Variants in SHROOM4 observed in about 807,000 individuals in gnomAD.
SHROOM4 encodes the protein shroom family member 4, also known as protein Shroom4.
A neutral mutation model predicts 80.3 loss-of-function variants in SHROOM4; 17 were observed. The observed-to-expected ratio is 0.21, with a 90% CI of 0.14 to 0.32. SHROOM4 has a LOEUF of 0.32. Among genes scored for constraint, SHROOM4 ranks in the 10% least tolerant of loss-of-function variants. SHROOM4 has a pLI of 1.00. For missense variants in SHROOM4, 993 were observed against 1,140.3 expected (o/e 0.87, Z 1.86); for synonymous variants, 400 against 437.5 (o/e 0.91, Z 1.07).
intron 2 of SHROOM4, chrX:50,649,734 T>C (rs1337073253): frequency 8.9e-6 from 1 of 112,629 alleles, no homozygotes; most frequent in African/African-American, 3.2e-5. Flanking sequence ...AAATGCTCTG[T>C]ATTTTTACTG....
At chrX:50,650,632 A>G (rs1932010190) in intron 2 of SHROOM4, among the ~76,000 whole-genome samples, 2 of 111,257 alleles carry the variant, frequency 1.8e-5, no homozygotes, top group Admixed American at 1.9e-4. Flanking sequence ...TGCTGGGATT[A>G]TAGGCGTGAG....
intron 2 of SHROOM4, among the ~76,000 whole-genome samples, chrX:50,655,735 A>G (rs1270677405): frequency 1.8e-5 from 2 of 109,714 alleles, no homozygotes; most frequent in Non-Finnish European, 3.8e-5. Flanking sequence ...ATGGGAGTGC[A>G]AACATCTCTT....
intron 2 of SHROOM4, among the ~76,000 whole-genome samples, chrX:50,654,454 C>T (rs920250529): frequency 9.0e-6 from 1 of 111,473 alleles, no homozygotes; most frequent in African/African-American, 3.3e-5. Flanking sequence ...TTATAATATA[C>T]AATATATTTT....
At chrX:50,721,005 G>A (rs1934097233) in intron 1 of SHROOM4, among the ~76,000 whole-genome samples, 1 of 111,953 alleles carries the variant, frequency 8.9e-6, no homozygotes, top group African/African-American at 3.2e-5. Flanking sequence ...TTCTCCTGGA[G>A]ATGAGATAGA....
intron 2 of SHROOM4, among the ~76,000 whole-genome samples, chrX:50,674,908 A>G (rs1932836361): frequency 8.9e-6 from 1 of 111,913 alleles, no homozygotes; most frequent in Admixed American, 9.5e-5. Context: ...GATGTGGTTA[A>G]GTGCACAGAG....
chrX:50,620,596 G>C (rs1930531954), intron 5 of SHROOM4, among the ~76,000 whole-genome samples: 1 of 111,961 alleles, frequency 8.9e-6, no homozygotes, highest in African/African-American at 3.2e-5. Flanking sequence ...TTGCCCTCTA[G>C]GAAGACTAAA....
rs1557273740 is a variant in SHROOM4, at chrX:50,813,892, C to T, written c.117+10G>A. 3 of 1,153,277 alleles carry T rather than the reference C, an allele frequency of 2.6e-6. No homozygotes were observed. In the Admixed American group the frequency reaches 6.6e-5, roughly 25 times the overall value. On this transcript the variant is annotated intron_variant, in intron 1 of 8. Coordinates refer to ENST00000376020, the MANE Select transcript of SHROOM4 (RefSeq NM_020717.5). The stretch of plus-strand genomic sequence containing the variant: ...TAGGCGCCGTTAGGACATCAGCCGC[C>T]AGTTCTTACCTTAGACACTGTGAGC...
chrX:50,696,655 C>T (rs12010080), intron 1 of SHROOM4, among the ~76,000 whole-genome samples: 4,645 of 112,251 alleles, frequency 0.041, 263 homozygotes, highest in African/African-American at 0.14. Context: ...GTAGCTGCTT[C>T]TTTATCTATG....
At chrX:50,809,171 T>G (rs1270988926) in intron 1 of SHROOM4, among the ~76,000 whole-genome samples, 1 of 111,581 alleles carries the variant, frequency 9.0e-6, no homozygotes, top group Non-Finnish European at 1.9e-5. Context: ...GCTCCAAAGA[T>G]GCACACCCCA....
At chrX:50,812,703 C>T (rs1936364493) in intron 1 of SHROOM4, among the ~76,000 whole-genome samples, 1 of 110,451 alleles carries the variant, frequency 9.1e-6, no homozygotes, top group Non-Finnish European at 1.9e-5. Context: ...TTGCGGTGGA[C>T]GTTTGCTGAA....
rs201093406 is a variant in SHROOM4, at chrX:50,616,352, CT to C, written c.2958-8169del. ...TGAAACTGGATTTCAACCACCTACCCTTTTTTTTTGACTGGTCATTTATTTT... is the reference window on the plus strand; with the variant it reads ...TGAAACTGGATTTCAACCACCTACCCTTTTTTTTGACTGGTCATTTATTTT... On this transcript the variant is annotated intron_variant, in intron 5 of 8. Coordinates refer to ENST00000376020, the MANE Select transcript of SHROOM4 (RefSeq NM_020717.5). Among the ~76,000 whole-genome samples the C allele has an allele frequency of 1.5e-4, 16 of 109,720 alleles. No individual in the cohort carries two copies. The East Asian group carries it at 2.6e-3, about 18-fold the overall frequency.
chrX:50,788,594 C>T (rs1425298693), intron 1 of SHROOM4, among the ~76,000 whole-genome samples: 5 of 95,530 alleles, frequency 5.2e-5, no homozygotes, highest in East Asian at 6.3e-4. Context: ...GGTGACAAAG[C>T]GAGACTCCGT....
chrX:50,639,762 G>C (rs1278113354), intron 2 of SHROOM4, among the ~76,000 whole-genome samples: 1 of 111,649 alleles, frequency 9.0e-6, no homozygotes, highest in African/African-American at 3.3e-5. Flanking sequence ...CAAGGCTCTA[G>C]AGGGCTAAGG....
chrX:50,707,710 T>G (rs1244342664), intron 1 of SHROOM4, among the ~76,000 whole-genome samples: 1 of 99,837 alleles, frequency 1.0e-5, no homozygotes, highest in Non-Finnish European at 2.0e-5. Flanking sequence ...ATGCCAAAGG[T>G]TTTTTTTTTC....
At chrX:50,601,309 G>T (rs1376451823) in intron 7 of SHROOM4, among the ~76,000 whole-genome samples, 26 of 112,104 alleles carry the variant, frequency 2.3e-4, no homozygotes, top group Non-Finnish European at 1.3e-4. Flanking sequence ...CAGAGGCCAG[G>T]CCCTGAGTAA....
rs782042439 is a variant in SHROOM4 at position 50,725,970 on chromosome X, T to C, written c.118-30033A>G. Among the ~76,000 whole-genome samples the C allele has an allele frequency of 1.8e-3, 201 of 111,934 alleles. 1 individual carries two copies. The highest frequency in any genetic ancestry group is 6.3e-3 in the African/African-American group (193 of 30,778). ...TGGAACTTCCTAGAGACTTGTTGAA[T>C]TGTTTTGACCAACATGCTGATTGAT... On this transcript the variant is annotated intron_variant, in intron 1 of 8. Transcript: ENST00000376020.
chrX:50,635,775 T>A (rs1481743446), intron 3 of SHROOM4, 107 bp from the exon 4 acceptor site: 37 of 599,914 alleles, frequency 6.2e-5, no homozygotes, highest in Admixed American at 5.3e-4. Context: ...GAGAGGAGGG[T>A]AGGCAAAAAA....
chrX:50,657,630 G>T (rs1215291469), intron 2 of SHROOM4, among the ~76,000 whole-genome samples: 1 of 110,621 alleles, frequency 9.0e-6, no homozygotes, highest in Non-Finnish European at 1.9e-5. Flanking sequence ...GGTTGCGAAG[G>T]TGGGGGTAGG....
At chrX:50,813,854 G>C (rs781792397) in intron 1 of SHROOM4, 48 bp downstream of exon 1, 35 of 1,002,209 alleles carry the variant, frequency 3.5e-5, no homozygotes, top group Non-Finnish European at 4.8e-5. Flanking sequence ...GCACCCGCTT[G>C]TCCATTCAAA....
Sources: gnomAD v4.1 joint callset for allele counts (sites outside exome capture counted in the v4.1 genomes callset) on GRCh38, gnomAD v4.1.1 for gene constraint, MANE v1.5 for transcripts, NCBI Gene and HGNC (gene_info 2026-07-23, HGNC 2026-07-21) for gene names.